UBE2V1: variants seen among roughly 807,000 people sequenced by gnomAD.
The protein encoded by UBE2V1 is ubiquitin conjugating enzyme E2 V1, also known as ubiquitin-conjugating enzyme E2 variant 1.
In UBE2V1, 15 loss-of-function variants were observed where a neutral mutation model predicts 19.6. The observed-to-expected ratio is 0.77, with a 90% CI of 0.51 to 1.18. The LOEUF is 1.18. Among genes scored for constraint, UBE2V1 ranks in the 50% most tolerant of loss-of-function variants. The probability of loss-of-function intolerance (pLI) is 0.00; values close to 1 mark genes in which losing one functional copy is unlikely to be tolerated. For missense variants in UBE2V1, 125 were observed against 184.8 expected, an observed-to-expected ratio of 0.68 and a Z score of 1.88; for synonymous variants, 60 against 60.7, an observed-to-expected ratio of 0.99 and a Z score of 0.05.
intron 1 of UBE2V1, among the ~76,000 whole-genome samples, chr20:50,107,748 T>C (rs891469964): frequency 2.0e-5 from 3 of 152,326 alleles, no homozygotes; most frequent in South Asian, 4.1e-4. Flanking sequence ...TACCTACTAT[T>C]TTGTCCAGAA....
At chr20:50,091,610 C>G (rs1347775489) in intron 2 of UBE2V1, among the ~76,000 whole-genome samples, 1 of 151,714 alleles carries the variant, frequency 6.6e-6, no homozygotes, top group African/African-American at 2.4e-5. Context: ...CCAGGCTGGT[C>G]TTGAACTCCT....
chr20:50,088,658 C>T (rs2079056291), intron 2 of UBE2V1, among the ~76,000 whole-genome samples: 2 of 151,602 alleles, frequency 1.3e-5, no homozygotes, highest in South Asian at 2.1e-4. Context: ...TGTGGTGGTG[C>T]GCCTGTGGTC....
In UBE2V1 at chr20:50,082,608, C is replaced by T. The variant is rs2078689256; in HGVS notation, c.*160G>A. The T allele has an allele frequency of 1.5e-6, 2 of 1,304,472 alleles. No homozygotes were observed. Among genetic ancestry groups the T allele is most frequent in the South Asian group, 3.2e-5 (2 of 62,280 alleles). The allele number at this position is 1,304,472 out of a possible 1,614,324, so 80.8% of individuals were successfully genotyped here. A position where few individuals can be genotyped will look rare whatever the true frequency, so the allele number is the denominator to read the frequency against. On this transcript the variant is annotated 3_prime_UTR_variant, in exon 4 of 4. Coordinates refer to ENST00000371674, the MANE Select transcript of UBE2V1 (RefSeq NM_001032288.3). ...TTTCAAATGGACAAAAAATTAGTAT[C>T]ATTTACAGTATCTTAAGATAAATTT...
intron 1 of UBE2V1, among the ~76,000 whole-genome samples, chr20:50,107,675 C>A (rs775863624): frequency 6.6e-6 from 1 of 152,188 alleles, no homozygotes; most frequent in Non-Finnish European, 1.5e-5. Flanking sequence ...CAAATGTATC[C>A]ATTTGGCTAC....
At chr20:50,104,083 A>C (rs6020265) in intron 1 of UBE2V1, among the ~76,000 whole-genome samples, 9 of 151,314 alleles carry the variant, frequency 5.9e-5, no homozygotes, top group African/African-American at 2.2e-4. Flanking sequence ...GGAGATCGAG[A>C]TCATCCTGGC....
At chr20:50,084,417 T>C in intron 2 of UBE2V1, 163 bp from the exon 3 acceptor site, 1 of 1,250,598 alleles carries the variant, frequency 8.0e-7, no homozygotes, top group African/African-American at 1.5e-5. Context: ...TACTAGTTCC[T>C]ACACTAGTTT....
upstream of UBE2V1, chr20:50,115,620 T>C: frequency 7.2e-7 from 1 of 1,391,438 alleles, no homozygotes. Context: ...CTCATAGGAT[T>C]GCTGTGGAGA....
At chr20:50,095,122 T>C (rs1189330296) in intron 2 of UBE2V1, 1 of 152,226 alleles carries the variant, frequency 6.6e-6, no homozygotes, top group African/African-American at 2.4e-5. Context: ...CTCAGTATTT[T>C]AGAACCTGTA....
At chr20:50,084,790 G>C (rs1366515397) in intron 2 of UBE2V1, 1 of 317,832 alleles carries the variant, frequency 3.1e-6, no homozygotes, top group Non-Finnish European at 6.2e-6. Context: ...ATTTCAACTG[G>C]GGTGTTCCAT....
chr20:50,099,225 T>C (rs1444315761), intron 1 of UBE2V1, among the ~76,000 whole-genome samples: 1 of 152,180 alleles, frequency 6.6e-6, no homozygotes, highest in Non-Finnish European at 1.5e-5. Context: ...TGAACTGTGT[T>C]CCCCTCAAAT....
chr20:50,091,553 G>T (rs2079227741), intron 2 of UBE2V1, among the ~76,000 whole-genome samples: 1 of 151,144 alleles, frequency 6.6e-6, no homozygotes, highest in Admixed American at 6.6e-5. Flanking sequence ...ACCGCGCCCA[G>T]CTAATTTTTA....
At chr20:50,085,321 C>T (rs1315524098) in intron 2 of UBE2V1, among the ~76,000 whole-genome samples, 1 of 152,150 alleles carries the variant, frequency 6.6e-6, no homozygotes, top group East Asian at 1.9e-4. Flanking sequence ...TGTTGCCCGG[C>T]TGTTCCTTCT....
intron 2 of UBE2V1, 140 bp downstream of exon 2, chr20:50,096,532 A>C (rs760557050): frequency 6.3e-7 from 1 of 1,575,308 alleles, no homozygotes; most frequent in Non-Finnish European, 8.6e-7. Flanking sequence ...ATATAAACTG[A>C]AACTGGTCAA....
At chr20:50,089,609 A>G (rs1475162246) in intron 2 of UBE2V1, among the ~76,000 whole-genome samples, 2 of 152,150 alleles carry the variant, frequency 1.3e-5, no homozygotes, top group African/African-American at 4.8e-5. Context: ...GTGGGCTTGG[A>G]GTTTCCTAGC....
At chr20:50,101,387 C>T (rs533334748) in intron 1 of UBE2V1, among the ~76,000 whole-genome samples, 5 of 150,904 alleles carry the variant, frequency 3.3e-5, no homozygotes, top group Non-Finnish European at 5.9e-5. Context: ...ATGCTTTATA[C>T]TCTCAAAATC....
chr20:50,102,984 T>C (rs569094334), intron 1 of UBE2V1, among the ~76,000 whole-genome samples: 1 of 152,350 alleles, frequency 6.6e-6, no homozygotes, highest in East Asian at 1.9e-4. Context: ...GGTTCCCTTG[T>C]CCTCAACCAA....
chr20:50,088,875 CA>C (rs2079070359), intron 2 of UBE2V1, among the ~76,000 whole-genome samples: 1 of 150,008 alleles, frequency 6.7e-6, no homozygotes, highest in South Asian at 2.1e-4. Flanking sequence ...TCTAAACATA[CA>C]AAAAGGAAAC....
At chr20:50,089,853 T>C (rs2079122671) in intron 2 of UBE2V1, among the ~76,000 whole-genome samples, 1 of 152,188 alleles carries the variant, frequency 6.6e-6, no homozygotes, top group African/African-American at 2.4e-5. Flanking sequence ...AAATAAAAAG[T>C]AGGAGGCATT....
Position 50,101,401 on chromosome 20 carries a change from G to T in UBE2V1, c.23-4581C>A, listed in dbSNP as rs908605045. Among the ~76,000 whole-genome samples the T allele has an allele frequency of 4.7e-4, 69 of 147,690 alleles. 1 individual carries two copies. The highest frequency in any genetic ancestry group is 8.3e-4 in the Non-Finnish European group (56 of 67,456). ...AATGCTTTATACTCTCAAAATCATT[G>T]AAGACCTCAAAGAACTTTTTTTTTT... On this transcript the variant is annotated intron_variant, in intron 1 of 3. Coordinates refer to ENST00000371674, the MANE Select transcript of UBE2V1 (RefSeq NM_001032288.3).
Sources: allele counts gnomAD v4.1 joint callset (sites outside exome capture counted in the v4.1 genomes callset), GRCh38; gene constraint gnomAD v4.1.1; transcripts MANE v1.5; gene names NCBI Gene and HGNC (gene_info 2026-07-23, HGNC 2026-07-21).